The following SERPINB12 variants were observed in gnomAD, a reference collection of about 807,000 sequenced individuals.
SERPINB12 encodes the protein serpin B12.
Under a neutral mutation model 41.1 loss-of-function variants are expected in SERPINB12, and 57 were observed. The observed-to-expected ratio is 1.39, with a 90% CI of 1.12 to 1.73. The LOEUF is 1.73. SERPINB12 is among the 40% of genes most tolerant of loss of function. The pLI, the probability that SERPINB12 is intolerant of heterozygous loss-of-function variation, is 0.00. For missense variants in SERPINB12, 536 were observed against 501.9 expected, an observed-to-expected ratio of 1.07 and a Z score of -0.65; for synonymous variants, 180 against 181.3, an observed-to-expected ratio of 0.99 and a Z score of 0.06.
chr18:63,547,445 T>G (rs183424346), intron 1 of SERPINB12, among the ~76,000 whole-genome samples: 1 of 152,254 alleles, frequency 6.6e-6, no homozygotes, highest in East Asian at 1.9e-4. Context: ...TGGTTATTAT[T>G]TAGTTTGCTG....
intron 1 of SERPINB12, among the ~76,000 whole-genome samples, chr18:63,550,918 T>C (rs1331746750): frequency 6.6e-6 from 1 of 152,178 alleles, no homozygotes; most frequent in Admixed American, 6.5e-5. Flanking sequence ...TGTTGACCTC[T>C]AAAACTGCAG....
At chr18:63,555,665 A>G (rs1295509409) in intron 1 of SERPINB12, among the ~76,000 whole-genome samples, 2 of 152,188 alleles carry the variant, frequency 1.3e-5, no homozygotes, top group African/African-American at 4.8e-5. Flanking sequence ...TTGGATACAT[A>G]CATGGACAAT....
At chr18:63,532,692 T>G in the SERPINB12 span, among the ~76,000 whole-genome samples, 1 of 152,246 alleles carries the variant, frequency 6.6e-6, no homozygotes, top group East Asian at 1.9e-4. Context: ...AAATGATTCT[T>G]GAAGTTCAGT....
Position 63,561,176 on chromosome 18 carries a change from A to C in SERPINB12, c.536A>C (p.Asn179Thr). The C allele has an allele frequency of 6.2e-7, 1 of 1,610,744 alleles. No individual in the cohort carries two copies. Among genetic ancestry groups the C allele is most frequent in the Non-Finnish European group, 8.5e-7 (1 of 1,177,004 alleles). ...KNPEKSRQEI[N>T]FWVECQSQGK... ...CCTGAAAAATCCAGACAAGAGATTA[A>C]CTTCTGGGTTGAATGTCAATCCCAA... The change falls in exon 5 of 8, where the codon AAC (asparagine) becomes ACC (threonine). Residue 179 changes from asparagine to threonine, a missense_variant. Physicochemically the swap from Asn to Thr is moderately conservative, Grantham distance 65 (BLOSUM62 0). Transcript: ENST00000382768.
chr18:63,561,108 A>AT lies in SERPINB12; in HGVS notation c.472dup (p.Tyr158LeufsTer6), dbSNP rs1157189372. ...AGGAATACTTAGATGGTGTGATTCAATTTTACCACACGACGATTGAAAGTG... is the reference window on the plus strand; with the variant it reads ...AGGAATACTTAGATGGTGTGATTCAATTTTTACCACACGACGATTGAAAGTG... On this transcript the variant is annotated frameshift_variant, in exon 5 of 8. Coordinates refer to ENST00000382768, the MANE Select transcript of SERPINB12 (RefSeq NM_001307928.2). LOFTEE classifies it high-confidence loss of function. 3 of 1,611,486 alleles carry AT rather than the reference A, an allele frequency of 1.9e-6. No individual in the cohort carries two copies. The highest frequency in any genetic ancestry group is 2.2e-5 in the South Asian group (2 of 90,930).
At chr18:63,534,409 G>A in the SERPINB12 span, among the ~76,000 whole-genome samples, 3 of 152,092 alleles carry the variant, frequency 2.0e-5, no homozygotes, top group African/African-American at 7.2e-5. Context: ...CTGCCTTATT[G>A]TATTATTTAT....
At chr18:63,528,914 A>T in the SERPINB12 span, among the ~76,000 whole-genome samples, 1 of 152,174 alleles carries the variant, frequency 6.6e-6, no homozygotes, top group Non-Finnish European at 1.5e-5. Context: ...AAGTCAAAAG[A>T]ACTCATCAAA....
the SERPINB12 span, among the ~76,000 whole-genome samples, chr18:63,531,274 T>C: frequency 6.6e-6 from 1 of 152,204 alleles, no homozygotes. Context: ...GTGGCCTTTC[T>C]TAAATTGTAG....
intron 2 of SERPINB12, among the ~76,000 whole-genome samples, chr18:63,556,831 C>T (rs780346013): frequency 1.3e-5 from 2 of 152,186 alleles, no homozygotes; most frequent in African/African-American, 4.8e-5. Flanking sequence ...TGAAAGATAT[C>T]CATAATCCAG....
intron 7 of SERPINB12, 56 bp downstream of exon 7, chr18:63,565,668 C>T: frequency 6.7e-7 from 1 of 1,482,508 alleles, no homozygotes; most frequent in Non-Finnish European, 9.2e-7. Flanking sequence ...CTTTAGAGAA[C>T]AACACTGTCT....
the SERPINB12 span, among the ~76,000 whole-genome samples, chr18:63,526,575 G>A: frequency 6.6e-6 from 1 of 152,110 alleles, no homozygotes; most frequent in Non-Finnish European, 1.5e-5. Flanking sequence ...TTGTGTTTCT[G>A]ACAAAATGGG....
chr18:63,519,247 G>T, the SERPINB12 span, among the ~76,000 whole-genome samples: 1 of 152,116 alleles, frequency 6.6e-6, no homozygotes, highest in African/African-American at 2.4e-5. Flanking sequence ...AGGTGTGTGG[G>T]GCCGGGAGAC....
chr18:63,563,864 C>G (rs1339255528), intron 5 of SERPINB12, 114 bp from the exon 6 acceptor site: 4 of 1,025,958 alleles, frequency 3.9e-6, no homozygotes, highest in Non-Finnish European at 5.6e-6. Context: ...CCATTGCACT[C>G]CAGCCTGGGA....
chr18:63,549,178 C>T (rs1693740630), intron 1 of SERPINB12, among the ~76,000 whole-genome samples: 1 of 152,024 alleles, frequency 6.6e-6, no homozygotes, highest in Non-Finnish European at 1.5e-5. Context: ...TATAAACAGG[C>T]ACGTACACAC....
chr18:63,520,973 A>G, the SERPINB12 span, among the ~76,000 whole-genome samples: 20 of 152,238 alleles, frequency 1.3e-4, no homozygotes, highest in African/African-American at 4.8e-4. Flanking sequence ...AGAAATTTTT[A>G]AAGGTAAAAT....
chr18:63,558,560 G>A (rs1910760920), intron 3 of SERPINB12, 74 bp downstream of exon 3: 1 of 1,479,628 alleles, frequency 6.8e-7, no homozygotes, highest in Non-Finnish European at 9.0e-7. Flanking sequence ...GATATTTGGT[G>A]ATAGTTGCTT....
Position 63,545,808 on chromosome 18 carries a change from G to A in SERPINB12, c.-19+3316G>A, listed in dbSNP as rs148811177. On this transcript the variant is annotated intron_variant, in intron 1 of 7. Transcript: ENST00000382768. ...TGACATAAAATATTAAATAATTCAC[G>A]TGTTAAAATTTTCCAAACTCTTGCA... 3.5e-3 allele frequency among the ~76,000 whole-genome samples: 537 copies of A among 152,148 alleles called. 4 individuals carry two copies. The highest frequency in any genetic ancestry group is 0.012 in the African/African-American group (505 of 41,514).
At chr18:63,521,955 T>C in the SERPINB12 span, among the ~76,000 whole-genome samples, 1 of 152,196 alleles carries the variant, frequency 6.6e-6, no homozygotes, top group African/African-American at 2.4e-5. Flanking sequence ...TACAGGTAGA[T>C]AACCAGAACT....
the SERPINB12 span, among the ~76,000 whole-genome samples, chr18:63,521,346 G>A: frequency 1.3e-5 from 2 of 152,172 alleles, no homozygotes; most frequent in African/African-American, 4.8e-5. Flanking sequence ...ATAAGTTTTG[G>A]TTATCCCTCA....
Sources: allele counts gnomAD v4.1 joint callset (sites outside exome capture counted in the v4.1 genomes callset), GRCh38; gene constraint gnomAD v4.1.1; transcripts MANE v1.5; gene names NCBI Gene and HGNC (gene_info 2026-07-23, HGNC 2026-07-21).